The following USP15 variants were observed in gnomAD, a reference collection of about 807,000 sequenced individuals.
The protein encoded by USP15 is ubiquitin carboxyl-terminal hydrolase 15.
A neutral mutation model predicts 127.1 loss-of-function variants in USP15; 18 were observed. The observed-to-expected ratio is 0.14, with a 90% CI of 0.10 to 0.21. The LOEUF (loss-of-function observed/expected upper bound fraction) is 0.21. Among genes scored for constraint, USP15 ranks in the 10% least tolerant of loss-of-function variants. USP15 has a pLI of 1.00. For missense variants in USP15, 805 were observed against 1,159.9 expected (o/e 0.69, Z 4.44); for synonymous variants, 364 against 393.7 (o/e 0.92, Z 0.89).
intron 20 of USP15, among the ~76,000 whole-genome samples, chr12:62,396,657 G>A (rs112559262): frequency 0.01 from 1,521 of 151,722 alleles, 25 homozygotes; most frequent in African/African-American, 0.034. Context: ...TTCCCTCCAC[G>A]TTCTCCTTCC....
At chr12:62,365,915 T>C (rs2066462095) in intron 8 of USP15, among the ~76,000 whole-genome samples, 1 of 152,200 alleles carries the variant, frequency 6.6e-6, no homozygotes, top group Non-Finnish European at 1.5e-5. Flanking sequence ...GGTCTATATA[T>C]CTGTTTTGGT....
At chr12:62,304,790 AT>A (rs1565836914) in intron 3 of USP15, 1 of 424,642 alleles carries the variant, frequency 2.4e-6, no homozygotes, top group Non-Finnish European at 4.7e-6. Flanking sequence ...AACCCAGGTA[AT>A]TGAGTTAGTA....
rs146669753 is a variant in USP15, at chr12:62,412,573, A to G, written c.*8198A>G. 4.5e-3 allele frequency: 745 copies of G among 164,444 alleles called. 7 individuals carry two copies. Among genetic ancestry groups the G allele is most frequent in the African/African-American group, 0.016 (688 of 41,854 alleles). 10.2% of individuals were successfully genotyped at this position (164,444 alleles called of 1,614,324 possible). Reference sequence around the variant, plus strand: ...TAAATCCTTTGTTGTCTTTTCAACAATGTTCACAGCATCTTCACCAGGAGA... The same window carrying G: ...TAAATCCTTTGTTGTCTTTTCAACAGTGTTCACAGCATCTTCACCAGGAGA... On this transcript the variant is annotated 3_prime_UTR_variant, in exon 22 of 22. Transcript: ENST00000280377.
At chr12:62,387,997 TTAG>T (rs1210381993) in intron 11 of USP15, among the ~76,000 whole-genome samples, 1 of 152,126 alleles carries the variant, frequency 6.6e-6, no homozygotes, top group African/African-American at 2.4e-5. Flanking sequence ...TTCAAAGAAG[TTAG>T]TAGAACAGGA....
At chr12:62,303,234 G>C (rs1472014757) in intron 3 of USP15, 1 of 171,028 alleles carries the variant, frequency 5.8e-6, no homozygotes, top group Non-Finnish European at 1.2e-5. Flanking sequence ...ACAGACTTTG[G>C]CAACCTGACC....
rs369055840 is a variant in USP15 at position 62,294,367 on chromosome 12, A to C, written c.217+61A>C. Reference sequence around the variant, plus strand: ...TGTTAAATTTCATTATATAAATGTCAGTGGGTTGAATTTGGAAAATGTTAG... The same window carrying C: ...TGTTAAATTTCATTATATAAATGTCCGTGGGTTGAATTTGGAAAATGTTAG... On this transcript the variant is annotated intron_variant, in intron 2 of 21. Coordinates refer to ENST00000280377, the MANE Select transcript of USP15 (RefSeq NM_001252078.2). 12 of 1,556,488 alleles carry C rather than the reference A, an allele frequency of 7.7e-6. No individual in the cohort carries two copies. In the South Asian group the frequency reaches 1.1e-4, roughly 15 times the overall value.
intron 9 of USP15, among the ~76,000 whole-genome samples, chr12:62,381,874 T>A (rs1355837746): frequency 6.6e-6 from 1 of 151,930 alleles, no homozygotes; most frequent in Non-Finnish European, 1.5e-5. Context: ...TTTGTTTTTG[T>A]TTTTGTTTTA....
rs752699571 is a variant in USP15, at chr12:62,391,798, A to T, written c.2234-18A>T. 6.3e-7 allele frequency: 1 copy of T among 1,575,386 alleles called. No individual in the cohort carries two copies. The highest frequency in any genetic ancestry group is 1.2e-5 in the South Asian group (1 of 85,936). ...AGACATATTAAATTTTAAAGAAAAAATATGTTTTCCACCTTAGAAAGATCT... is the reference window on the plus strand; with the variant it reads ...AGACATATTAAATTTTAAAGAAAAATTATGTTTTCCACCTTAGAAAGATCT... On this transcript the variant is annotated intron_variant, in intron 16 of 21. Coordinates refer to ENST00000280377, the MANE Select transcript of USP15 (RefSeq NM_001252078.2).
chr12:62,324,298 A>G (rs2065068380), intron 5 of USP15, among the ~76,000 whole-genome samples: 1 of 152,012 alleles, frequency 6.6e-6, no homozygotes, highest in Non-Finnish European at 1.5e-5. Context: ...AAGTATAAAT[A>G]CTGTTAGGAA....
chr12:62,409,361 A>G lies in USP15; in HGVS notation c.*4986A>G, dbSNP rs1173366584. 6.6e-6 allele frequency: 1 copy of G among 151,782 alleles called. No individual in the cohort carries two copies. The highest frequency in any genetic ancestry group is 2.4e-5 in the African/African-American group (1 of 41,450). The allele number at this position is 151,782 out of a possible 1,614,324, so 9.4% of individuals were successfully genotyped here. The stretch of plus-strand genomic sequence containing the variant: ...GAAAATCAGTCAAATGGGTTTTGAT[A>G]TTTTTTTTTCCTAGAAATGTGTAGC... On this transcript the variant is annotated 3_prime_UTR_variant, in exon 22 of 22. Transcript: ENST00000280377.
chr12:62,319,877 G>A lies in USP15; in HGVS notation c.476-1587G>A, dbSNP rs150213420. Among the ~76,000 whole-genome samples, 34 of 152,182 alleles carry A rather than the reference G, an allele frequency of 2.2e-4. No individual in the cohort carries two copies. In the East Asian group the frequency reaches 5.8e-3, roughly 26 times the overall value. ...TTTGCCAAAAGCAAAAATTATTTCTGCCCTCAGGAAACATTTATTCATTTT... is the reference window on the plus strand; with the variant it reads ...TTTGCCAAAAGCAAAAATTATTTCTACCCTCAGGAAACATTTATTCATTTT... On this transcript the variant is annotated intron_variant, in intron 4 of 21. Coordinates refer to ENST00000280377, the MANE Select transcript of USP15 (RefSeq NM_001252078.2).
intron 6 of USP15, among the ~76,000 whole-genome samples, chr12:62,327,337 A>G (rs1164753847): frequency 6.6e-6 from 1 of 152,118 alleles, no homozygotes; most frequent in Non-Finnish European, 1.5e-5. Flanking sequence ...TTAGTATAAA[A>G]GTAGAACTTT....
At chr12:62,331,798 G>T (rs981652877) in intron 6 of USP15, among the ~76,000 whole-genome samples, 4 of 152,124 alleles carry the variant, frequency 2.6e-5, no homozygotes, top group Admixed American at 6.6e-5. Flanking sequence ...ATGTGTATAT[G>T]CTTTTAATCA....
chr12:62,344,253 G>A (rs914753529), intron 6 of USP15, among the ~76,000 whole-genome samples: 1 of 152,150 alleles, frequency 6.6e-6, no homozygotes, highest in African/African-American at 2.4e-5. Flanking sequence ...ACAGGCATTG[G>A]GTCAACACAG....
intron 4 of USP15, among the ~76,000 whole-genome samples, chr12:62,319,785 T>C (rs1050368246): frequency 1.3e-5 from 2 of 152,224 alleles, no homozygotes; most frequent in African/African-American, 2.4e-5. Context: ...AGAAGAAATA[T>C]CAGAATGTCA....
At chr12:62,383,250 G>C (rs911473765) in intron 9 of USP15, among the ~76,000 whole-genome samples, 4 of 151,786 alleles carry the variant, frequency 2.6e-5, no homozygotes, top group African/African-American at 9.7e-5. Context: ...ATTCCTCCAA[G>C]CCTTTGTTCA....
chr12:62,298,830 C>CAAAAAAAAA (rs1163091790), intron 2 of USP15, among the ~76,000 whole-genome samples: 1 of 65,066 alleles, frequency 1.5e-5, no homozygotes. Context: ...CCCTGTCTTG[C>CAAAAAAAAA]AAAAAAAAAA....
At chr12:62,315,367 C>T (rs1490693800) in intron 4 of USP15, among the ~76,000 whole-genome samples, 5 of 151,662 alleles carry the variant, frequency 3.3e-5, no homozygotes, top group African/African-American at 9.7e-5. Context: ...TAATGAGTAG[C>T]GTAAGCAGTT....
At chr12:62,279,344 A>G (rs768834117) in intron 1 of USP15, among the ~76,000 whole-genome samples, 6 of 152,138 alleles carry the variant, frequency 3.9e-5, no homozygotes, top group Non-Finnish European at 7.4e-5. Flanking sequence ...TTTTCAGGCT[A>G]AATAGTACTC....
Sources: allele counts gnomAD v4.1 joint callset (sites outside exome capture counted in the v4.1 genomes callset), GRCh38; gene constraint gnomAD v4.1.1; transcripts MANE v1.5; gene names NCBI Gene and HGNC (gene_info 2026-07-23, HGNC 2026-07-21).